Variants in GALNT13 observed in about 807,000 individuals in gnomAD.
GALNT13 encodes polypeptide N-acetylgalactosaminyltransferase 13, also known as UDP-GalNAc:polypeptide N-acetylgalactosaminyltransferase 13.
GALNT13 carries 28 observed loss-of-function variants against 64.2 expected under a neutral mutation model. The ratio of observed to expected loss-of-function variants is 0.44; its 90% CI spans 0.32 to 0.60. GALNT13 has a LOEUF of 0.60. Among genes scored for constraint, GALNT13 ranks in the 20% least tolerant of loss-of-function variants. The pLI is 0.05. For synonymous variants in GALNT13, 214 were observed against 224.6 expected (o/e 0.95, Z 0.42); for missense variants, 577 against 669.8 (o/e 0.86, Z 1.53).
chr2:153,200,672 A>T, the GALNT13 span, among the ~76,000 whole-genome samples: 42 of 152,352 alleles, frequency 2.8e-4, no homozygotes, highest in African/African-American at 9.6e-4. Flanking sequence ...AATAGAAAGA[A>T]CAGGTTGTTT....
chr2:153,551,627 G>A, the GALNT13 span, among the ~76,000 whole-genome samples: 1 of 152,142 alleles, frequency 6.6e-6, no homozygotes, highest in Admixed American at 6.5e-5. Context: ...GAGAATAGGA[G>A]AGCAATAAAT....
the GALNT13 span, chr2:153,201,590 C>T: frequency 2.6e-5 from 4 of 152,172 alleles, no homozygotes; most frequent in Non-Finnish European, 5.9e-5. Context: ...AGGGAATGTA[C>T]TTATCTTTAT....
intron 3 of GALNT13, among the ~76,000 whole-genome samples, chr2:153,988,927 A>G (rs1694986952): frequency 6.6e-6 from 1 of 151,964 alleles, no homozygotes; most frequent in South Asian, 2.1e-4. Flanking sequence ...TCTCTTTTTG[A>G]GGTTCATCAT....
chr2:153,443,302 G>A, the GALNT13 span, among the ~76,000 whole-genome samples: 44 of 152,146 alleles, frequency 2.9e-4, no homozygotes, highest in Non-Finnish European at 4.4e-4. Flanking sequence ...CTAAAGGAGG[G>A]AGTTCCCAGA....
At chr2:153,074,565 T>C in the GALNT13 span, among the ~76,000 whole-genome samples, 4 of 152,290 alleles carry the variant, frequency 2.6e-5, no homozygotes, top group East Asian at 3.9e-4. Context: ...CTGAATACAA[T>C]AGGCAATTGC....
the GALNT13 span, among the ~76,000 whole-genome samples, chr2:153,601,278 A>G: frequency 2.0e-5 from 3 of 151,254 alleles, no homozygotes; most frequent in African/African-American, 4.8e-5. Flanking sequence ...TCATAATTTG[A>G]TGTTACATAT....
chr2:153,576,788 G>T, the GALNT13 span, among the ~76,000 whole-genome samples: 3 of 151,908 alleles, frequency 2.0e-5, no homozygotes, highest in Non-Finnish European at 4.4e-5. Context: ...TGGTGCGGGG[G>T]TTACAATTAA....
chr2:153,707,529 A>G, the GALNT13 span, among the ~76,000 whole-genome samples: 1 of 152,206 alleles, frequency 6.6e-6, no homozygotes, highest in Non-Finnish European at 1.5e-5. Context: ...TCTACCAATC[A>G]GATGCAATAG....
At chr2:153,403,835 C>G in the GALNT13 span, among the ~76,000 whole-genome samples, 16 of 152,274 alleles carry the variant, frequency 1.1e-4, no homozygotes, top group African/African-American at 1.7e-4. Flanking sequence ...GTCTGGCACT[C>G]CCTAGTGAGA....
chr2:153,497,618 A>G, the GALNT13 span, among the ~76,000 whole-genome samples: 1 of 128,656 alleles, frequency 7.8e-6, no homozygotes, highest in Non-Finnish European at 1.5e-5. Context: ...GTTCACTGCA[A>G]CCTCCGCCTT....
intron 3 of GALNT13, among the ~76,000 whole-genome samples, chr2:153,957,335 G>A (rs1692630548): frequency 6.6e-6 from 1 of 152,110 alleles, no homozygotes; most frequent in African/African-American, 2.4e-5. Flanking sequence ...TTGCTCAAGG[G>A]GAGACCCTGG....
the GALNT13 span, among the ~76,000 whole-genome samples, chr2:153,821,389 T>C: frequency 8.5e-5 from 13 of 152,158 alleles, no homozygotes; most frequent in African/African-American, 3.1e-4. Flanking sequence ...ATACAAACTA[T>C]ACTTTTAGAT....
chr2:153,079,495 T>C, the GALNT13 span, among the ~76,000 whole-genome samples: 2 of 152,224 alleles, frequency 1.3e-5, no homozygotes, highest in Non-Finnish European at 2.9e-5. Context: ...AGATGACTTA[T>C]CTGTATCTGA....
At chr2:153,718,310 G>T in the GALNT13 span, among the ~76,000 whole-genome samples, 3 of 151,842 alleles carry the variant, frequency 2.0e-5, no homozygotes, top group African/African-American at 7.3e-5. Context: ...CCAAAGCCAG[G>T]ACACAAAGTA....
At chr2:153,780,214 G>GAGAT in the GALNT13 span, among the ~76,000 whole-genome samples, 2 of 128,058 alleles carry the variant, frequency 1.6e-5, no homozygotes, top group Non-Finnish European at 3.2e-5. Context: ...AGAATTTGAA[G>GAGAT]ATATATATAT....
intron 1 of GALNT13, among the ~76,000 whole-genome samples, chr2:153,885,972 A>T (rs944154681): frequency 6.6e-6 from 1 of 152,022 alleles, no homozygotes; most frequent in African/African-American, 2.4e-5. Context: ...AAAAATAATC[A>T]TAGTTAGCTT....
chr2:153,560,714 A>G, the GALNT13 span, among the ~76,000 whole-genome samples: 1 of 152,002 alleles, frequency 6.6e-6, no homozygotes, highest in Non-Finnish European at 1.5e-5. Context: ...TATGCTTTTA[A>G]TTAGGGAGGC....
the GALNT13 span, among the ~76,000 whole-genome samples, chr2:153,418,506 G>A: frequency 6.6e-6 from 1 of 152,306 alleles, no homozygotes; most frequent in East Asian, 1.9e-4. Context: ...GGGGCCAAAT[G>A]AGGAAGTGTT....
chr2:154,153,921 A>C (rs1684235424), intron 4 of GALNT13, among the ~76,000 whole-genome samples: 1 of 152,218 alleles, frequency 6.6e-6, no homozygotes. Flanking sequence ...CGGCTCACGC[A>C]GGATGCGCTG....
Sources: gnomAD v4.1 joint callset for allele counts (sites outside exome capture counted in the v4.1 genomes callset) on GRCh38, gnomAD v4.1.1 for gene constraint, MANE v1.5 for transcripts, NCBI Gene and HGNC (gene_info 2026-07-23, HGNC 2026-07-21) for gene names.